Variants in COL22A1 observed in about 807,000 individuals in gnomAD.
COL22A1 encodes the protein collagen alpha-1(XXII) chain.
COL22A1 carries 221 observed loss-of-function variants against 248.9 expected under a neutral mutation model. The ratio of observed to expected loss-of-function variants is 0.89; its 90% confidence interval spans 0.80 to 0.99. The LOEUF is 0.99. Ranked by LOEUF, COL22A1 falls within the 50% of genes least tolerant of loss-of-function variation. The pLI, the probability that COL22A1 is intolerant of heterozygous loss-of-function variation, is 0.00. For missense variants in COL22A1, 2,240 were observed against 2,179.0 expected (o/e 1.03, Z -0.56); for synonymous variants, 891 against 793.4 (o/e 1.12, Z -2.07).
At chr8:138,694,465 C>T in intron 34 of COL22A1, 43 bp downstream of exon 34, 1 of 1,594,300 alleles carries the variant, frequency 6.3e-7, no homozygotes, top group Non-Finnish European at 8.6e-7. Flanking sequence ...TGGCTGGGAT[C>T]TCCAAGTCTC....
In COL22A1 at chr8:138,796,888, T is replaced by C. The variant is rs200915176; in HGVS notation, c.1558-31A>G. 370 of 1,461,964 alleles carry C rather than the reference T, an allele frequency of 2.5e-4. 1 individual carries two copies. The highest frequency in any genetic ancestry group is 3.3e-4 in the Non-Finnish European group (340 of 1,041,572). 90.6% of individuals were successfully genotyped at this position (1,461,964 alleles called of 1,614,324 possible). On this transcript the variant is annotated intron_variant, in intron 11 of 64. Coordinates refer to ENST00000303045, the MANE Select transcript of COL22A1 (RefSeq NM_152888.3). ...AAAATGAAAGAAGGCAAAGATTCACTACAGAGCATCTCCATGGCATGACAT... is the reference window on the plus strand; with the variant it reads ...AAAATGAAAGAAGGCAAAGATTCACCACAGAGCATCTCCATGGCATGACAT...
chr8:138,686,420 G>C (rs971584309), intron 37 of COL22A1, among the ~76,000 whole-genome samples: 3 of 152,228 alleles, frequency 2.0e-5, no homozygotes, highest in Admixed American at 6.5e-5. Context: ...TGCAATCACA[G>C]TGTTTCCAGA....
Position 138,676,642 on chromosome 8 carries a change from A to G in COL22A1, c.3073-7T>C. The G allele has an allele frequency of 6.4e-7, 1 of 1,554,952 alleles. No homozygotes were observed. The highest frequency in any genetic ancestry group is 8.7e-7 in the Non-Finnish European group (1 of 1,147,384). ...CAGGAGCTCCTCGATCCCCCTAGAA[A>G]GAGAGAAAAATAAGATCAAGGAGGT... On this transcript the variant is annotated splice_polypyrimidine_tract_variant and splice_region_variant and intron_variant, in intron 40 of 64. Coordinates refer to ENST00000303045, the MANE Select transcript of COL22A1 (RefSeq NM_152888.3).
intron 17 of COL22A1, among the ~76,000 whole-genome samples, chr8:138,761,461 T>C (rs1186156908): frequency 6.6e-6 from 1 of 152,176 alleles, no homozygotes; most frequent in African/African-American, 2.4e-5. Context: ...TCCAATGTGT[T>C]ACCTGACAAT....
chr8:138,694,582 A>C (rs1827343383), intron 33 of COL22A1, 21 bp from the exon 34 acceptor site: 1 of 1,613,380 alleles, frequency 6.2e-7, no homozygotes, highest in African/African-American at 1.3e-5. Context: ...ACAAGTTGCC[A>C]TGAACCAGCT....
intron 47 of COL22A1, among the ~76,000 whole-genome samples, chr8:138,638,232 G>T (rs898274046): frequency 5.9e-5 from 9 of 152,140 alleles, no homozygotes; most frequent in African/African-American, 1.7e-4. Context: ...TCAGCAAAAT[G>T]TTTTTAAAAC....
intron 12 of COL22A1, among the ~76,000 whole-genome samples, chr8:138,794,026 CG>C (rs1563771129): frequency 6.6e-6 from 1 of 152,120 alleles, no homozygotes; most frequent in Non-Finnish European, 1.5e-5. Context: ...GAGGAATCCC[CG>C]GGTGCCTTCT....
At chr8:138,777,209 T>C (rs1455317162) in intron 15 of COL22A1, among the ~76,000 whole-genome samples, 2 of 152,178 alleles carry the variant, frequency 1.3e-5, no homozygotes, top group Non-Finnish European at 2.9e-5. Context: ...CACCCAGGCC[T>C]CCTTGTTGAT....
At chr8:138,881,571 G>A (rs1824213175) in intron 2 of COL22A1, among the ~76,000 whole-genome samples, 1 of 152,214 alleles carries the variant, frequency 6.6e-6, no homozygotes, top group African/African-American at 2.4e-5. Context: ...TGTAGTCCCA[G>A]CTATGCAGGA....
intron 6 of COL22A1, among the ~76,000 whole-genome samples, chr8:138,826,421 T>C (rs1403889122): frequency 4.6e-5 from 7 of 152,170 alleles, no homozygotes; most frequent in Non-Finnish European, 1.0e-4. Flanking sequence ...AGGAACTCAG[T>C]CTTCTTTACC....
chr8:138,675,607 A>G (rs1485014865), intron 41 of COL22A1, among the ~76,000 whole-genome samples: 1 of 152,226 alleles, frequency 6.6e-6, no homozygotes, highest in Admixed American at 6.5e-5. Context: ...AACAATAGCA[A>G]GACAGGGCTT....
At chr8:138,672,523 G>A (rs1463362207) in intron 41 of COL22A1, among the ~76,000 whole-genome samples, 1 of 152,232 alleles carries the variant, frequency 6.6e-6, no homozygotes. Context: ...AAGGCCCACT[G>A]GAGGGCAGGG....
At chr8:138,829,243 G>A (rs918266791) in intron 5 of COL22A1, among the ~76,000 whole-genome samples, 10 of 152,062 alleles carry the variant, frequency 6.6e-5, no homozygotes, top group African/African-American at 2.4e-4. Flanking sequence ...ATAGCACCTG[G>A]GCCTCCCTCA....
intron 4 of COL22A1, among the ~76,000 whole-genome samples, chr8:138,838,345 G>C (rs1820593053): frequency 6.6e-6 from 1 of 152,072 alleles, no homozygotes; most frequent in Non-Finnish European, 1.5e-5. Context: ...GAGGGATGAG[G>C]GGGAGTGAGG....
intron 48 of COL22A1, 46 bp from the exon 49 acceptor site, chr8:138,635,109 C>T (rs370596335): frequency 6.9e-7 from 1 of 1,458,740 alleles, no homozygotes; most frequent in Non-Finnish European, 9.4e-7. Flanking sequence ...TTGAAAAATA[C>T]TTTTTACTTT....
At position 138,877,490 on chromosome 8, in the gene COL22A1, T is replaced by G. The variant is rs1045040407; in HGVS notation, c.658+260A>C. Among the ~76,000 whole-genome samples, 68 of 152,138 alleles carry G rather than the reference T, an allele frequency of 4.5e-4. 1 individual carries two copies. The highest frequency in any genetic ancestry group is 9.1e-4 in the Non-Finnish European group (62 of 68,022). ...TCCCTCTTTCATCCCAAACCCCTTC[T>G]TGCCTCTGCCCGCGACCTCTGCCTC... On this transcript the variant is annotated intron_variant, in intron 3 of 64. Transcript: ENST00000303045.
intron 47 of COL22A1, among the ~76,000 whole-genome samples, 179 bp from the exon 48 acceptor site, chr8:138,636,974 T>C: frequency 6.6e-6 from 1 of 151,974 alleles, no homozygotes; most frequent in East Asian, 1.9e-4. Context: ...GTTGAGGATG[T>C]GTGATAAAAT....
intron 52 of COL22A1, among the ~76,000 whole-genome samples, chr8:138,621,718 G>A (rs1819814548): frequency 6.6e-6 from 1 of 152,138 alleles, no homozygotes; most frequent in South Asian, 2.1e-4. Flanking sequence ...GAGAAATAAT[G>A]GTACCCACAG....
chr8:138,666,812 T>A (rs1216580691), intron 41 of COL22A1, among the ~76,000 whole-genome samples: 1 of 152,246 alleles, frequency 6.6e-6, no homozygotes, highest in Non-Finnish European at 1.5e-5. Flanking sequence ...GGTTATTTTC[T>A]TATGTCATTT....
Sources: allele counts gnomAD v4.1 joint callset (sites outside exome capture counted in the v4.1 genomes callset), GRCh38; gene constraint gnomAD v4.1.1; transcripts MANE v1.5; gene names NCBI Gene and HGNC (gene_info 2026-07-23, HGNC 2026-07-21).